The following PLEKHA2 variants were observed in gnomAD, a reference collection of about 807,000 sequenced individuals.
The protein encoded by PLEKHA2 is pleckstrin homology domain containing A2.
PLEKHA2 carries 28 observed loss-of-function variants against 53.2 expected under a neutral mutation model. The observed-to-expected ratio is 0.53, with a 90% CI of 0.39 to 0.72. The LOEUF is 0.72. Ranked by LOEUF, PLEKHA2 falls within the 30% of genes least tolerant of loss-of-function variation. PLEKHA2 has a pLI of 0.00. For missense variants in PLEKHA2, 426 were observed against 537.9 expected, an observed-to-expected ratio of 0.79 and a Z score of 2.06; for synonymous variants, 193 against 196.4, an observed-to-expected ratio of 0.98 and a Z score of 0.14.
chr8:38,924,994 A>G (rs150631537), intron 2 of PLEKHA2, among the ~76,000 whole-genome samples: 1 of 152,314 alleles, frequency 6.6e-6, no homozygotes, highest in African/African-American at 2.4e-5. Context: ...AAATCAATAT[A>G]CTGACAATAT....
intron 10 of PLEKHA2, among the ~76,000 whole-genome samples, chr8:38,958,068 G>A (rs1055450516): frequency 1.4e-4 from 21 of 152,062 alleles, no homozygotes; most frequent in Non-Finnish European, 5.9e-5. Flanking sequence ...CTCATGCCTG[G>A]AATCCCAGCA....
At chr8:38,958,974 T>C (rs770948449) in intron 10 of PLEKHA2, among the ~76,000 whole-genome samples, 3 of 152,018 alleles carry the variant, frequency 2.0e-5, no homozygotes, top group Non-Finnish European at 4.4e-5. Flanking sequence ...GACACTGTGA[T>C]GGTGGGTGTG....
At position 38,933,790 on chromosome 8, in the gene PLEKHA2, A is replaced by AAAAAAAAAAAAAAAAAG. The variant is rs71216697; in HGVS notation, c.142-2200_142-2199insAAAAAAAAAAAAGAAAA. On this transcript the variant is annotated intron_variant, in intron 2 of 11. Transcript: ENST00000617275. The stretch of plus-strand genomic sequence containing the variant: ...AATAGAGGTTTCCTAAAAAAAAAAA[A>AAAAAAAAAAAAAAAAAG]AAAAGAAAAGAAAGAAAAGCAGTCG... Among the ~76,000 whole-genome samples the AAAAAAAAAAAAAAAAAG allele has an allele frequency of 2.7e-3, 247 of 90,516 alleles. 10 individuals are homozygous for AAAAAAAAAAAAAAAAAG. Among genetic ancestry groups the AAAAAAAAAAAAAAAAAG allele is most frequent in the African/African-American group, 8.3e-3 (215 of 25,922 alleles). The allele number at this position is 90,516 out of a possible 152,430, so 59.4% of individuals were successfully genotyped here.
intron 3 of PLEKHA2, among the ~76,000 whole-genome samples, chr8:38,940,536 G>C (rs534207314): frequency 5.6e-4 from 85 of 151,994 alleles, no homozygotes; most frequent in Middle Eastern, 6.8e-3. Flanking sequence ...TTATGGACCA[G>C]AGGACTGCAG....
chr8:38,918,422 C>CGA (rs1834103716), intron 2 of PLEKHA2, among the ~76,000 whole-genome samples: 1 of 148,106 alleles, frequency 6.8e-6, no homozygotes, highest in Non-Finnish European at 1.5e-5. Context: ...CATACACACA[C>CGA]CACACACACC....
Position 38,902,220 on chromosome 8 carries a change from T to TGG in PLEKHA2, c.-24+783_-24+784dup, listed in dbSNP as rs58621785. Among the ~76,000 whole-genome samples, 48 of 98,296 alleles carry TGG rather than the reference T, an allele frequency of 4.9e-4. 1 individual carries two copies. The highest frequency in any genetic ancestry group is 5.8e-4 in the African/African-American group (13 of 22,500). 64.5% of individuals were successfully genotyped at this position (98,296 alleles called of 152,430 possible). A position where few individuals can be genotyped will look rare whatever the true frequency, so the allele number is the denominator to read the frequency against. The stretch of plus-strand genomic sequence containing the variant: ...TAAAAAGAAAGAGAAAAGAAGGGTG[T>TGG]GGGGGGGGGTGGTGGGAAGCTAGGC... On this transcript the variant is annotated intron_variant, in intron 1 of 11. Coordinates refer to ENST00000617275, the MANE Select transcript of PLEKHA2 (RefSeq NM_021623.2).
chr8:38,925,828 T>C (rs2129417104), intron 2 of PLEKHA2, among the ~76,000 whole-genome samples: 1 of 152,364 alleles, frequency 6.6e-6, no homozygotes, highest in South Asian at 2.1e-4. Flanking sequence ...AAATTGGTGT[T>C]TTTTTAAAAA....
chr8:38,953,471 A>G (rs979817331), intron 9 of PLEKHA2, 104 bp downstream of exon 9: 2 of 1,176,992 alleles, frequency 1.7e-6, no homozygotes, highest in African/African-American at 1.5e-5. Flanking sequence ...ATCTTCTTCC[A>G]AGAGCCAGGC....
At chr8:38,955,226 C>T (rs925591105) in intron 9 of PLEKHA2, among the ~76,000 whole-genome samples, 1 of 152,132 alleles carries the variant, frequency 6.6e-6, no homozygotes, top group African/African-American at 2.4e-5. Context: ...CCTTCCCACC[C>T]TGAGAAGTAG....
At chr8:38,935,817 T>TC (rs1482995586) in intron 2 of PLEKHA2, among the ~76,000 whole-genome samples, 177 bp from the exon 3 acceptor site, 5 of 152,324 alleles carry the variant, frequency 3.3e-5, no homozygotes, top group African/African-American at 1.2e-4. Flanking sequence ...GAATCCTGAA[T>TC]CATTATCCAG....
intron 3 of PLEKHA2, among the ~76,000 whole-genome samples, chr8:38,938,186 C>G (rs1249349193): frequency 6.6e-6 from 1 of 152,204 alleles, no homozygotes; most frequent in Non-Finnish European, 1.5e-5. Context: ...AGCCACCTCT[C>G]AGAAAGAACT....
Position 38,957,394 on chromosome 8 carries a change from G to A in PLEKHA2, c.837+8G>A, listed in dbSNP as rs1564151963. On this transcript the variant is annotated splice_region_variant and intron_variant, in intron 10 of 11. Transcript: ENST00000617275. ...AGGACCTTCTACGTACAGGTAAAAT[G>A]CTCCCTTCCAGAAGACTCCAGCATT... 1 of 1,609,176 alleles carries A rather than the reference G, an allele frequency of 6.2e-7. No individual in the cohort carries two copies. Among genetic ancestry groups the A allele is most frequent in the South Asian group, 1.1e-5 (1 of 90,980 alleles).
intron 2 of PLEKHA2, among the ~76,000 whole-genome samples, chr8:38,926,664 C>T (rs1450640906): frequency 3.3e-5 from 5 of 152,234 alleles, no homozygotes; most frequent in African/African-American, 1.2e-4. Flanking sequence ...GGTGCGGTGG[C>T]TCACGCCTGT....
In PLEKHA2 at chr8:38,969,747, C is replaced by T; in HGVS notation, c.1242C>T (p.Asn414=). ...CCAAGGAGAAGCCGTTTATGTTCAA[C>T]CTTGATGATGAAAACATACGGACCT... ...QHPKEKPFMF[N]LDDENIRTSD... The change falls in exon 12 of 12, where the codon AAC becomes AAT. Residue 414 remains asparagine (N), a synonymous_variant. Transcript: ENST00000617275. 1.3e-6 allele frequency: 2 copies of T among 1,551,308 alleles called. No homozygotes were observed. Among genetic ancestry groups the T allele is most frequent in the African/African-American group, 1.4e-5 (1 of 73,018 alleles).
chr8:38,961,854 C>T (rs539186364), intron 10 of PLEKHA2, among the ~76,000 whole-genome samples: 2 of 152,260 alleles, frequency 1.3e-5, no homozygotes, highest in South Asian at 4.1e-4. Flanking sequence ...GTCATATTTA[C>T]GTATAATTTG....
chr8:38,917,833 G>GA, intron 1 of PLEKHA2, 74 bp from the exon 2 acceptor site: 1 of 1,511,538 alleles, frequency 6.6e-7, no homozygotes, highest in East Asian at 2.3e-5. Flanking sequence ...CCAGCTTCTG[G>GA]AAAAGATTCC....
At chr8:38,953,979 C>T (rs62504407) in intron 9 of PLEKHA2, among the ~76,000 whole-genome samples, 30,503 of 152,164 alleles carry the variant, frequency 0.2, 3,334 homozygotes, top group South Asian at 0.25. Context: ...CAAGGGATCT[C>T]CTAGGTCCAA....
intron 2 of PLEKHA2, among the ~76,000 whole-genome samples, chr8:38,924,936 A>G (rs1834257760): frequency 6.6e-6 from 1 of 152,264 alleles, no homozygotes. Context: ...ATAAATGGAA[A>G]GTCTCAGTAT....
intron 1 of PLEKHA2, among the ~76,000 whole-genome samples, chr8:38,913,167 C>T (rs1384976964): frequency 6.6e-6 from 1 of 152,148 alleles, no homozygotes; most frequent in Non-Finnish European, 1.5e-5. Flanking sequence ...ATTTCAAGAC[C>T]AGCCTGGCCA....
Sources: allele counts gnomAD v4.1 joint callset (sites outside exome capture counted in the v4.1 genomes callset), GRCh38; gene constraint gnomAD v4.1.1; transcripts MANE v1.5; gene names NCBI Gene and HGNC (gene_info 2026-07-23, HGNC 2026-07-21).